The following RHOBTB1 variants were observed in gnomAD, a reference collection of about 807,000 sequenced individuals.
The protein encoded by RHOBTB1 is rho-related BTB domain-containing protein 1.
A neutral mutation model predicts 71.6 loss-of-function variants in RHOBTB1; 40 were observed. The ratio of observed to expected loss-of-function variants is 0.56; its 90% CI spans 0.43 to 0.73. The LOEUF (loss-of-function observed/expected upper bound fraction) is 0.73, where lower values mean the gene tolerates loss of function less well. Ranked by LOEUF, RHOBTB1 falls within the 30% of genes least tolerant of loss-of-function variation. RHOBTB1 has a pLI of 0.00. For synonymous variants in RHOBTB1, 319 were observed against 334.9 expected (o/e 0.95, Z 0.52); for missense variants, 797 against 894.0 (o/e 0.89, Z 1.38).
intron 2 of RHOBTB1, among the ~76,000 whole-genome samples, chr10:60,961,964 C>T (rs112843642): frequency 4.6e-5 from 7 of 152,036 alleles, no homozygotes; most frequent in Admixed American, 1.3e-4. Context: ...TGCACTACCA[C>T]GCCTGGATAA....
At position 60,971,712 on chromosome 10, in the gene RHOBTB1, A is replaced by G. The variant is rs929450965; in HGVS notation, c.-62+14133T>C. Among the ~76,000 whole-genome samples the G allele has an allele frequency of 2.6e-5, 4 of 152,216 alleles. No individual in the cohort carries two copies. In the South Asian group the frequency reaches 6.2e-4, roughly 24 times the overall value. On this transcript the variant is annotated intron_variant, in intron 2 of 11. Coordinates refer to the RHOBTB1 transcript ENST00000357917. ...GACAAAAGGGATCTAACTAAACTAAAGAGCTTCTGCACAGCAAAAGAAACT... is the reference window on the plus strand; with the variant it reads ...GACAAAAGGGATCTAACTAAACTAAGGAGCTTCTGCACAGCAAAAGAAACT...
At position 60,871,532 on chromosome 10, in the gene RHOBTB1, G is replaced by T. The variant is rs369886188; in HGVS notation, c.2041C>A (p.Arg681Ser). Residue 681 changes from arginine to serine, a missense_variant, in exon 11 of 11, where the codon CGC becomes AGC. This residue lies in a region of RHOBTB1 where 658 missense variants were observed against 681.5 expected (regional missense o/e 0.97). Transcript: ENST00000337910. ...EKEDIALNKH[R>S]SRRKWCFWNS... is the part of the protein sequence containing the mutation. ...CAGAAGCACCACTTTCGTCTTGAGC[G>T]ATGCTTATTTAGTGCAATATCTTCC... The T allele has an allele frequency of 2.5e-6, 4 of 1,614,052 alleles. No individual in the cohort carries two copies. The Admixed American group carries it at 6.7e-5, about 27-fold the overall frequency.
chr10:60,895,092 A>G (rs1452139305), intron 4 of RHOBTB1, among the ~76,000 whole-genome samples: 1 of 152,254 alleles, frequency 6.6e-6, no homozygotes, highest in East Asian at 1.9e-4. Flanking sequence ...GCACAATGCC[A>G]TCACACAATA....
Position 60,974,238 on chromosome 10 carries a change from G to A in RHOBTB1, c.-62+11607C>T, listed in dbSNP as rs991740363. 1.1e-4 allele frequency among the ~76,000 whole-genome samples: 16 copies of A among 152,044 alleles called. No individual in the cohort carries two copies. The East Asian group carries it at 3.1e-3, about 29-fold the overall frequency. ...TTAGTTGCAGGTAAATAATATAAAT[G>A]TATACTTGGAAACAAAACAATATTT... On this transcript the variant is annotated intron_variant, in intron 2 of 11. Transcript: ENST00000357917.
At chr10:60,996,053 A>G (rs960722647) in intron 1 of RHOBTB1, among the ~76,000 whole-genome samples, 1 of 152,334 alleles carries the variant, frequency 6.6e-6, no homozygotes, top group Admixed American at 6.5e-5. Context: ...TTCACAACTC[A>G]GGAGATGGGG....
intron 4 of RHOBTB1, among the ~76,000 whole-genome samples, chr10:60,908,225 G>A (rs1033542600): frequency 4.6e-5 from 7 of 152,156 alleles, no homozygotes; most frequent in African/African-American, 1.7e-4. Flanking sequence ...ATGTTTGAGG[G>A]GCAACTTATT....
At chr10:60,978,964 GA>G (rs1022846272) in intron 2 of RHOBTB1, among the ~76,000 whole-genome samples, 12 of 152,028 alleles carry the variant, frequency 7.9e-5, no homozygotes, top group African/African-American at 1.9e-4. Flanking sequence ...GGAGATGTCT[GA>G]AACACTGCCA....
In RHOBTB1 at chr10:60,931,540, T is replaced by G. The variant is rs530402788; in HGVS notation, c.-11+10264A>C. Among the ~76,000 whole-genome samples the G allele has an allele frequency of 1.3e-4, 20 of 152,310 alleles. 1 individual carries two copies. In the South Asian group the frequency reaches 4.1e-3, roughly 32 times the overall value. The stretch of plus-strand genomic sequence containing the variant: ...CATTACTTTTTATGGCTGAAAAATA[T>G]TCTTAGACATATTACTTCTATAATG... On this transcript the variant is annotated intron_variant, in intron 2 of 10. Coordinates refer to ENST00000337910, the MANE Select transcript of RHOBTB1 (RefSeq NM_014836.5).
intron 5 of RHOBTB1, among the ~76,000 whole-genome samples, chr10:60,890,463 T>G (rs1234539607): frequency 6.6e-6 from 1 of 152,024 alleles, no homozygotes; most frequent in African/African-American, 2.4e-5. Context: ...ATTTACAACC[T>G]AATCAAACCC....
At chr10:60,880,069 T>C (rs919587662) in intron 7 of RHOBTB1, among the ~76,000 whole-genome samples, 12 of 152,120 alleles carry the variant, frequency 7.9e-5, no homozygotes, top group African/African-American at 2.9e-4. Flanking sequence ...CACAGATCTA[T>C]GCAAATACGA....
chr10:60,914,345 T>C (rs2083157268), intron 2 of RHOBTB1, among the ~76,000 whole-genome samples: 1 of 152,316 alleles, frequency 6.6e-6, no homozygotes. Flanking sequence ...TACATTAGCA[T>C]GGGGTAGTAG....
intron 5 of RHOBTB1, 108 bp from the exon 6 acceptor site, chr10:60,889,293 A>T: frequency 8.7e-7 from 1 of 1,154,974 alleles, no homozygotes; most frequent in Non-Finnish European, 1.2e-6. Context: ...AACTCCAGTC[A>T]GGCTTTTAGT....
intron 2 of RHOBTB1, among the ~76,000 whole-genome samples, chr10:60,912,208 T>C (rs552808451): frequency 0.016 from 2,438 of 151,926 alleles, 29 homozygotes; most frequent in South Asian, 0.036. Flanking sequence ...TGTGTGTATA[T>C]ATATGTGTAT....
chr10:60,898,871 C>G (rs1351204263), intron 4 of RHOBTB1, among the ~76,000 whole-genome samples: 1 of 152,176 alleles, frequency 6.6e-6, no homozygotes, highest in Non-Finnish European at 1.5e-5. Context: ...AATGCATGCT[C>G]TTAAGTGCAG....
intron 4 of RHOBTB1, among the ~76,000 whole-genome samples, chr10:60,895,650 C>A (rs1332030989): frequency 6.6e-6 from 1 of 152,240 alleles, no homozygotes; most frequent in East Asian, 1.9e-4. Context: ...GTGATCCACC[C>A]ACCTTGGCCT....
At chr10:60,913,412 A>T (rs765596580) in intron 2 of RHOBTB1, among the ~76,000 whole-genome samples, 1 of 152,168 alleles carries the variant, frequency 6.6e-6, no homozygotes, top group African/African-American at 2.4e-5. Context: ...GGGGAAAAAG[A>T]GTCTTTAAAA....
the RHOBTB1 span, among the ~76,000 whole-genome samples, chr10:60,861,058 T>C: frequency 5.3e-5 from 8 of 152,300 alleles, no homozygotes; most frequent in African/African-American, 1.9e-4. Flanking sequence ...AATCAAGATA[T>C]GATCACCAGG....
At chr10:60,977,298 T>C (rs1286315007) in intron 2 of RHOBTB1, among the ~76,000 whole-genome samples, 1 of 152,046 alleles carries the variant, frequency 6.6e-6, no homozygotes, top group Non-Finnish European at 1.5e-5. Context: ...TATAATGCAA[T>C]ATGGAGAAAT....
At chr10:60,957,486 G>A (rs1182902148) in intron 2 of RHOBTB1, among the ~76,000 whole-genome samples, 1 of 152,136 alleles carries the variant, frequency 6.6e-6, no homozygotes, top group Admixed American at 6.5e-5. Flanking sequence ...GTGCAGGACT[G>A]TAGTCTTCTG....
Sources: allele counts gnomAD v4.1 joint callset (sites outside exome capture counted in the v4.1 genomes callset), GRCh38; gene constraint gnomAD v4.1.1; regional missense constraint gnomAD v4.1.1; transcripts MANE v1.5; gene names NCBI Gene and HGNC (gene_info 2026-07-23, HGNC 2026-07-21).